CMSS1: variants seen among roughly 807,000 people sequenced by gnomAD.
CMSS1 encodes cms1 ribosomal small subunit homolog.
CMSS1 carries 33 observed loss-of-function variants against 43.5 expected under a neutral mutation model. The ratio of observed to expected loss-of-function variants is 0.76; its 90% CI spans 0.57 to 1.01. CMSS1 has a LOEUF of 1.01. CMSS1 is among the 50% of genes least tolerant of loss of function. The pLI is 0.00. For missense variants in CMSS1, 313 were observed against 326.4 expected (o/e 0.96, Z 0.32); for synonymous variants, 115 against 117.2 (o/e 0.98, Z 0.12).
intron 1 of CMSS1, among the ~76,000 whole-genome samples, chr3:100,074,968 A>G (rs2065827020): frequency 6.6e-6 from 1 of 152,240 alleles, no homozygotes; most frequent in Non-Finnish European, 1.5e-5. Flanking sequence ...TGCTGGGATT[A>G]CAGGCATGAG....
intron 1 of CMSS1, among the ~76,000 whole-genome samples, chr3:99,981,908 T>C (rs889267029): frequency 1.1e-4 from 16 of 152,192 alleles, no homozygotes; most frequent in African/African-American, 3.9e-4. Context: ...GGAGGATCGC[T>C]TGAGGCCAGG....
chr3:100,167,604 A>G (rs2067075770), intron 5 of CMSS1, 134 bp from the exon 6 acceptor site: 1 of 459,854 alleles, frequency 2.2e-6, no homozygotes, highest in Admixed American at 4.0e-5. Flanking sequence ...ATTGAATTAC[A>G]ATTGTAATTA....
chr3:99,920,024 T>G (rs1707075005), intron 1 of CMSS1, among the ~76,000 whole-genome samples: 1 of 152,238 alleles, frequency 6.6e-6, no homozygotes, highest in Admixed American at 6.5e-5. Flanking sequence ...ACTTCTGATT[T>G]ACAAAACTGA....
At chr3:99,998,001 G>C (rs185126305) in intron 1 of CMSS1, among the ~76,000 whole-genome samples, 5 of 152,312 alleles carry the variant, frequency 3.3e-5, no homozygotes, top group Admixed American at 6.5e-5. Context: ...TCCTGCTAGA[G>C]CATAGAGCTA....
intron 1 of CMSS1, among the ~76,000 whole-genome samples, chr3:100,082,225 G>A (rs1453205753): frequency 6.6e-6 from 1 of 152,158 alleles, no homozygotes. Context: ...GAAGTGTGCT[G>A]CATAGAATTC....
chr3:100,173,332 C>T (rs527839487), intron 8 of CMSS1, among the ~76,000 whole-genome samples: 1 of 152,278 alleles, frequency 6.6e-6, no homozygotes, highest in Admixed American at 6.5e-5. Context: ...CGCTTGACAC[C>T]CTTACATATG....
chr3:100,047,093 C>A (rs1423481683), intron 1 of CMSS1, among the ~76,000 whole-genome samples: 1 of 152,076 alleles, frequency 6.6e-6, no homozygotes, highest in Non-Finnish European at 1.5e-5. Flanking sequence ...AAATGTTTAG[C>A]CATTGAAGTT....
rs576168181 is a variant in CMSS1 at position 99,905,020 on chromosome 3, T to C, written c.64+86977T>C. On this transcript the variant is annotated intron_variant, in intron 1 of 9. Coordinates refer to ENST00000421999, the MANE Select transcript of CMSS1 (RefSeq NM_032359.4). ...TCCTCAGATCCAAAAGCCTTCACTC[T>C]GACTTCATCCTCTGCCACTGCTCCA... Among the ~76,000 whole-genome samples the C allele has an allele frequency of 7.0e-4, 106 of 152,356 alleles. 2 individuals carry two copies. Among genetic ancestry groups the C allele is most frequent in the Non-Finnish European group, 1.5e-4 (10 of 68,038 alleles).
chr3:99,828,590 A>G (rs1267361229), intron 1 of CMSS1, among the ~76,000 whole-genome samples: 1 of 150,654 alleles, frequency 6.6e-6, no homozygotes, highest in African/African-American at 2.4e-5. Flanking sequence ...AGCTAGGACT[A>G]CAGGTGTGCA....
intron 1 of CMSS1, among the ~76,000 whole-genome samples, chr3:99,855,461 C>T (rs911293583): frequency 6.6e-6 from 1 of 152,178 alleles, no homozygotes. Flanking sequence ...GTACATCTGT[C>T]GGTTCTAATT....
intron 1 of CMSS1, among the ~76,000 whole-genome samples, chr3:100,076,767 C>T (rs1197743545): frequency 6.6e-6 from 1 of 152,320 alleles, no homozygotes; most frequent in East Asian, 1.9e-4. Context: ...AATGTAACGT[C>T]TTCTCAGATT....
intron 1 of CMSS1, among the ~76,000 whole-genome samples, chr3:100,120,973 C>T (rs1230816345): frequency 6.6e-6 from 1 of 152,110 alleles, no homozygotes; most frequent in Non-Finnish European, 1.5e-5. Flanking sequence ...CAGCTTTGTA[C>T]TCATGAAAAT....
chr3:99,826,005 T>A (rs1378679419), intron 1 of CMSS1, among the ~76,000 whole-genome samples: 1 of 152,034 alleles, frequency 6.6e-6, no homozygotes, highest in Non-Finnish European at 1.5e-5. Context: ...CTTGATCTCC[T>A]GTCCTCATGA....
chr3:100,010,323 G>T (rs915501801), intron 1 of CMSS1: 1 of 163,602 alleles, frequency 6.1e-6, no homozygotes, highest in African/African-American at 2.4e-5. Context: ...GAGCGGGGAG[G>T]TTTGGAAACA....
chr3:99,917,582 C>G (rs939690307), intron 1 of CMSS1, among the ~76,000 whole-genome samples: 3 of 152,098 alleles, frequency 2.0e-5, no homozygotes, highest in Admixed American at 2.0e-4. Flanking sequence ...ATTGCTAGGT[C>G]TTTTCTAGCT....
chr3:99,977,030 A>G (rs572942854), intron 1 of CMSS1, among the ~76,000 whole-genome samples: 13 of 152,294 alleles, frequency 8.5e-5, no homozygotes, highest in African/African-American at 2.9e-4. Flanking sequence ...TCTTAGATAT[A>G]TAGGGGAATC....
At chr3:99,870,882 A>G (rs1944755454) in intron 1 of CMSS1, among the ~76,000 whole-genome samples, 1 of 152,194 alleles carries the variant, frequency 6.6e-6, no homozygotes, top group South Asian at 2.1e-4. Flanking sequence ...CACCTGAGGC[A>G]CAGAGATTAG....
rs1220612200 is a variant in CMSS1 at position 99,935,728 on chromosome 3, A to G, written c.64+117685A>G. The stretch of plus-strand genomic sequence containing the variant: ...ATTCTGGGACTCTCTGTTGTCTTGT[A>G]TCTATGGATACAAATACAGTGCAGT... On this transcript the variant is annotated intron_variant, in intron 1 of 9. Coordinates refer to ENST00000421999, the MANE Select transcript of CMSS1 (RefSeq NM_032359.4). Among the ~76,000 whole-genome samples the G allele has an allele frequency of 4.6e-5, 7 of 152,198 alleles. No homozygotes were observed. The East Asian group carries it at 1.2e-3, about 25-fold the overall frequency.
intron 1 of CMSS1, among the ~76,000 whole-genome samples, chr3:100,133,190 A>G (rs1390824333): frequency 2.0e-5 from 3 of 152,234 alleles, no homozygotes; most frequent in Admixed American, 2.0e-4. Flanking sequence ...TAGAAGAACA[A>G]AGAAATATAT....
Sources: allele counts gnomAD v4.1 joint callset (sites outside exome capture counted in the v4.1 genomes callset), GRCh38; gene constraint gnomAD v4.1.1; transcripts MANE v1.5; gene names NCBI Gene and HGNC (gene_info 2026-07-23, HGNC 2026-07-21).